The following PLA2G4F variants were observed in gnomAD, a reference collection of about 807,000 sequenced individuals.
PLA2G4F encodes phospholipase A2 group IVF.
In PLA2G4F, 105 loss-of-function variants were observed where a neutral mutation model predicts 103.1. The observed-to-expected ratio is 1.02, with a 90% CI of 0.87 to 1.20. The LOEUF is 1.20. Ranked by LOEUF, PLA2G4F falls within the 50% of genes most tolerant of loss-of-function variation. PLA2G4F has a pLI of 0.00. For missense variants in PLA2G4F, 1,155 were observed against 1,075.9 expected, an observed-to-expected ratio of 1.07 and a Z score of -1.03; for synonymous variants, 468 against 441.1, an observed-to-expected ratio of 1.06 and a Z score of -0.76.
Position 42,154,686 on chromosome 15 carries a change from G to A in PLA2G4F, c.185-228C>T, listed in dbSNP as rs16972775. Among the ~76,000 whole-genome samples the A allele has an allele frequency of 8.0e-3, 1,212 of 152,264 alleles. 12 individuals carry two copies. Among genetic ancestry groups the A allele is most frequent in the African/African-American group, 0.028 (1,156 of 41,544 alleles). ...AAATCCTGCGGCAGCCAGTTGGAAAGATCCCATGGCAGCACAGACCATTAA... is the reference window on the plus strand; with the variant it reads ...AAATCCTGCGGCAGCCAGTTGGAAAAATCCCATGGCAGCACAGACCATTAA... On this transcript the variant is annotated intron_variant, in intron 2 of 19. Transcript: ENST00000397272.
rs2048826876 is a variant in PLA2G4F, at chr15:42,141,577, C to T, written c.*407G>A. On this transcript the variant is annotated 3_prime_UTR_variant, in exon 20 of 20. Coordinates refer to ENST00000397272, the MANE Select transcript of PLA2G4F (RefSeq NM_213600.4). ...ATGGATGCATCTCTGCTTTCCATCT[C>T]AGTGTAAGGAGGACAGCTGGCTTCT... 2.2e-6 allele frequency: 1 copy of T among 461,684 alleles called. No homozygotes were observed. Among genetic ancestry groups the T allele is most frequent in the Admixed American group, 2.4e-5 (1 of 42,408 alleles). The allele number at this position is 461,684 out of a possible 1,614,324, so 28.6% of individuals were successfully genotyped here.
Position 42,146,160 on chromosome 15 carries a change from C to A in PLA2G4F, c.1501G>T (p.Val501Phe), listed in dbSNP as rs767391879. Reference protein sequence around the residue: ...NPYPIYTSVNVRTNLSGEDFA... With the variant: ...NPYPIYTSVNFRTNLSGEDFA... The stretch of plus-strand genomic sequence containing the variant: ...TCTTCCCCACTCAAGTTGGTGCGGA[C>A]GTTGACACTGGTGTAAATGGGGTAA... The change falls in exon 14 of 20, where the codon GTC becomes TTC. Residue 501 changes from valine (V) to phenylalanine (F), a missense_variant. Transcript: ENST00000397272. 2 of 1,614,102 alleles carry A rather than the reference C, an allele frequency of 1.2e-6. No homozygotes were observed. The highest frequency in any genetic ancestry group is 2.2e-5 in the South Asian group (2 of 91,090).
chr15:42,145,064 A>G (rs2048867183), intron 16 of PLA2G4F, among the ~76,000 whole-genome samples: 1 of 151,982 alleles, frequency 6.6e-6, no homozygotes, highest in Admixed American at 6.5e-5. Flanking sequence ...AAGTCACATA[A>G]AGAGAGAATA....
At chr15:42,150,298 G>C in intron 9 of PLA2G4F, 75 bp downstream of exon 9, 3 of 1,538,168 alleles carry the variant, frequency 2.0e-6, no homozygotes, top group Non-Finnish European at 2.7e-6. Context: ...ACCCTCTTGG[G>C]TCCCTCCTCC....
In PLA2G4F at chr15:42,144,568, G is replaced by T. The variant is rs781598817; in HGVS notation, c.1857C>A (p.Ser619=). Residue 619 remains serine, a synonymous_variant, in exon 17 of 20, where the codon TCC becomes TCA. Coordinates refer to ENST00000397272, the MANE Select transcript of PLA2G4F (RefSeq NM_213600.4). ...AGGTGAATATGTCCAGCACAGCCTG[G>T]GAGAAGGGCCCCTGTGGGGTGAGGA... ...TRLLTPQGPF[S]QAVLDIFTSR... is the part of the protein sequence containing the mutation. 6 of 1,613,246 alleles carry T rather than the reference G, an allele frequency of 3.7e-6. No homozygotes were observed. In the African/African-American group the frequency reaches 5.3e-5, roughly 14 times the overall value.
intron 1 of PLA2G4F, among the ~76,000 whole-genome samples, 167 bp downstream of exon 1, chr15:42,156,272 A>T (rs2049013938): frequency 6.6e-6 from 1 of 152,168 alleles, no homozygotes; most frequent in Non-Finnish European, 1.5e-5. Context: ...GGAGGGAGCT[A>T]TTTTTAAGAG....
Position 42,154,133 on chromosome 15 carries a change from A to C in PLA2G4F, c.409T>G (p.Cys137Gly). 6.2e-7 allele frequency: 1 copy of C among 1,614,198 alleles called. No homozygotes were observed. Among genetic ancestry groups the C allele is most frequent in the Non-Finnish European group, 8.5e-7 (1 of 1,180,040 alleles). Reference protein sequence around the residue: ...LLLFDLRSLKCGQPHKHTFPL... With the variant: ...LLLFDLRSLKGGQPHKHTFPL... ...AAGGTGTGTTTGTGAGGTTGGCCAC[A>C]CTTGAGGCTTCTCAGGTCAAACAGG... Residue 137 changes from cysteine to glycine, a missense_variant, in exon 4 of 20, where the codon TGT becomes GGT. Transcript: ENST00000397272.
intron 18 of PLA2G4F, 29 bp downstream of exon 18, chr15:42,143,949 G>T: frequency 6.4e-7 from 1 of 1,572,610 alleles, no homozygotes. Flanking sequence ...CACTGCAGGT[G>T]CTCCCCACAT....
chr15:42,145,963 A>G, intron 14 of PLA2G4F, 60 bp from the exon 15 acceptor site: 2 of 1,603,018 alleles, frequency 1.2e-6, no homozygotes, highest in South Asian at 1.1e-5. Flanking sequence ...CTTGTGCCCA[A>G]GCAGGAATCT....
chr15:42,147,649 C>T lies in PLA2G4F; in HGVS notation c.1173G>A (p.Leu391=). The T allele has an allele frequency of 6.2e-7, 1 of 1,614,092 alleles. No homozygotes were observed. The highest frequency in any genetic ancestry group is 1.1e-5 in the South Asian group (1 of 91,078). Reference sequence around the variant, plus strand: ...ACCAGGTAGACCCAGAGACCCCACTCAGGTAGGTCACAGTGTCTAGAAGGC... The same window carrying T: ...ACCAGGTAGACCCAGAGACCCCACTTAGGTAGGTCACAGTGTCTAGAAGGC... ...ELGLLDTVTY[L]SGVSGSTWCI... The change falls in exon 12 of 20, where the codon CTG becomes CTA. Residue 391 remains leucine (L), a synonymous_variant. Transcript: ENST00000397272.
Position 42,144,143 on chromosome 15 carries a change from G to A in PLA2G4F, c.1977C>T (p.Asp659=). ...VAGREFVAWK[D]THPDAFPNQL... ...GGTTGGGGAAGGCGTCCGGGTGTGT[G>A]TCTGCAAGGAACCCATGTGTACGCA... The change falls in exon 18 of 20, where the codon GAC becomes GAT. Residue 659 remains aspartate (D), a splice_region_variant and synonymous_variant. Coordinates refer to ENST00000397272, the MANE Select transcript of PLA2G4F (RefSeq NM_213600.4). The A allele has an allele frequency of 6.2e-7, 1 of 1,607,152 alleles. No homozygotes were observed. Among genetic ancestry groups the A allele is most frequent in the Non-Finnish European group, 8.5e-7 (1 of 1,177,078 alleles).
At chr15:42,149,446 C>A in intron 11 of PLA2G4F, 3 of 960,288 alleles carry the variant, frequency 3.1e-6, no homozygotes, top group Non-Finnish European at 3.7e-6. Context: ...GACTTCCAGC[C>A]CCTAGAACTG....
intron 9 of PLA2G4F, 32 bp from the exon 10 acceptor site, chr15:42,150,173 C>T: frequency 6.2e-7 from 1 of 1,614,112 alleles, no homozygotes; most frequent in Non-Finnish European, 8.5e-7. Flanking sequence ...ACCCTGAGTT[C>T]TCTGGGCAGG....
chr15:42,154,477 G>C lies in PLA2G4F; in HGVS notation c.185-19C>G, dbSNP rs773328358. On this transcript the variant is annotated intron_variant, in intron 2 of 19. Transcript: ENST00000397272. ...TTGGACACTGCAGGTAGGACAGGGA[G>C]GGGCCGGGGCCTCAAGCTCTCATTG... is the stretch of plus-strand genomic sequence containing the variant. The C allele has an allele frequency of 6.5e-6, 10 of 1,540,282 alleles. No individual in the cohort carries two copies. In the Admixed American group the frequency reaches 1.6e-4, roughly 25 times the overall value.
intron 18 of PLA2G4F, 87 bp downstream of exon 18, chr15:42,143,891 C>T: frequency 6.8e-7 from 1 of 1,466,542 alleles, no homozygotes; most frequent in Non-Finnish European, 9.2e-7. Context: ...GTCCCCCTCA[C>T]CAGAGCCTTC....
rs904801340 is a variant in PLA2G4F at position 42,149,957 on chromosome 15, G to T, written c.924-109C>A. ...TCACAGGAGCAGGTCCAAGGGATCCGCCCACCAGCACCAGAACCAGGGAGG... is the reference window on the plus strand; with the variant it reads ...TCACAGGAGCAGGTCCAAGGGATCCTCCCACCAGCACCAGAACCAGGGAGG... On this transcript the variant is annotated intron_variant, in intron 10 of 19. Transcript: ENST00000397272. The T allele has an allele frequency of 6.6e-6, 10 of 1,518,822 alleles. No homozygotes were observed. The African/African-American group carries it at 1.2e-4, about 19-fold the overall frequency. The allele number at this position is 1,518,822 out of a possible 1,614,324, so 94.1% of individuals were successfully genotyped here. A position where few individuals can be genotyped will look rare whatever the true frequency, so the allele number is the denominator to read the frequency against.
At position 42,152,754 on chromosome 15, in the gene PLA2G4F, C is replaced by T; in HGVS notation, c.535G>A (p.Ala179Thr). The change falls in exon 7 of 20, where the codon GCT becomes ACT. Residue 179 changes from alanine (A) to threonine (T), a missense_variant and splice_region_variant. Coordinates refer to ENST00000397272, the MANE Select transcript of PLA2G4F (RefSeq NM_213600.4). The part of the protein sequence containing the change: ...SEVITNGVLV[A>T]HPCLRIQGTL... ...CCCTGGATTCTCAGACAGGGGTGAGCCTGAGGAAAGCAGAGGCCTGTAGGA... is the reference window on the plus strand; with the variant it reads ...CCCTGGATTCTCAGACAGGGGTGAGTCTGAGGAAAGCAGAGGCCTGTAGGA... The T allele has an allele frequency of 6.4e-7, 1 of 1,554,680 alleles. No individual in the cohort carries two copies.
chr15:42,150,279 G>A lies in PLA2G4F; in HGVS notation c.885+94C>T. Reference sequence around the variant, plus strand: ...TCATAACTGACCTCTGGACTGACCTGATCCAGCCACCCTCTTGGGTCCCTC... The same window carrying A: ...TCATAACTGACCTCTGGACTGACCTAATCCAGCCACCCTCTTGGGTCCCTC... On this transcript the variant is annotated intron_variant, in intron 9 of 19. Transcript: ENST00000397272. 4 of 1,531,540 alleles carry A rather than the reference G, an allele frequency of 2.6e-6. No individual in the cohort carries two copies. The South Asian group carries it at 4.6e-5, about 18-fold the overall frequency. 94.9% of individuals were successfully genotyped at this position (1,531,540 alleles called of 1,614,324 possible). A position where few individuals can be genotyped will look rare whatever the true frequency, so the allele number is the denominator to read the frequency against.
rs749414498 is a variant in PLA2G4F at position 42,144,587 on chromosome 15, G to T, written c.1838C>A (p.Thr613Asn). Residue 613 changes from threonine to asparagine, a missense_variant, in exon 17 of 20, where the codon ACC (threonine) becomes AAC (asparagine). Coordinates refer to ENST00000397272, the MANE Select transcript of PLA2G4F (RefSeq NM_213600.4). ...NPSRLRTRLL[T>N]PQGPFSQAVL... ...AGCCTGGGAGAAGGGCCCCTGTGGG[G>T]TGAGGAGCCTCGTTCGCAGCCTCGA... The T allele has an allele frequency of 1.2e-5, 19 of 1,612,962 alleles. No individual in the cohort carries two copies. Among genetic ancestry groups the T allele is most frequent in the East Asian group, 2.2e-5 (1 of 44,868 alleles).
Sources: gnomAD v4.1 joint callset for allele counts (sites outside exome capture counted in the v4.1 genomes callset) on GRCh38, gnomAD v4.1.1 for gene constraint, MANE v1.5 for transcripts, NCBI Gene and HGNC (gene_info 2026-07-23, HGNC 2026-07-21) for gene names.